The following ADAMTS17 variants were observed in gnomAD, a reference collection of about 807,000 sequenced individuals.
ADAMTS17 encodes ADAM metallopeptidase with thrombospondin type 1 motif 17.
ADAMTS17 carries 113 observed loss-of-function variants against 141.5 expected under a neutral mutation model. The ratio of observed to expected loss-of-function variants is 0.80; its 90% CI spans 0.69 to 0.93. ADAMTS17 has a LOEUF of 0.93. Among genes scored for constraint, ADAMTS17 ranks in the 40% least tolerant of loss-of-function variants. The pLI, the probability that ADAMTS17 is intolerant of heterozygous loss-of-function variation, is 0.00. For missense variants in ADAMTS17, 1,659 were observed against 1,517.9 expected, an observed-to-expected ratio of 1.09 and a Z score of -1.54; for synonymous variants, 768 against 630.6, an observed-to-expected ratio of 1.22 and a Z score of -3.27.
At chr15:100,259,845 G>T (rs888788941) in intron 6 of ADAMTS17, among the ~76,000 whole-genome samples, 1 of 151,990 alleles carries the variant, frequency 6.6e-6, no homozygotes, top group African/African-American at 2.4e-5. Context: ...TAGGATTTTG[G>T]TTTTTGTTTT....
intron 15 of ADAMTS17, among the ~76,000 whole-genome samples, chr15:100,073,406 T>C (rs2034126936): frequency 6.6e-6 from 1 of 152,142 alleles, no homozygotes; most frequent in African/African-American, 2.4e-5. Flanking sequence ...AGCCATCCCA[T>C]TACTGGGTGT....
intron 15 of ADAMTS17, among the ~76,000 whole-genome samples, chr15:100,073,705 T>C (rs1030159567): frequency 2.4e-4 from 32 of 132,116 alleles, no homozygotes; most frequent in East Asian, 6.7e-4. Flanking sequence ...TAGGTGGGAA[T>C]TGAACAATGA....
At chr15:100,265,142 C>G (rs556944699) in intron 4 of ADAMTS17, among the ~76,000 whole-genome samples, 3 of 152,296 alleles carry the variant, frequency 2.0e-5, no homozygotes, top group African/African-American at 7.2e-5. Flanking sequence ...CACTTTGTCA[C>G]CTGCCAGGTG....
intron 3 of ADAMTS17, among the ~76,000 whole-genome samples, chr15:100,292,285 CGA>C (rs1031634077): frequency 6.1e-5 from 9 of 146,988 alleles, no homozygotes; most frequent in African/African-American, 1.3e-4. Flanking sequence ...TGAGAATCTA[CGA>C]GAGACACTCA....
intron 15 of ADAMTS17, among the ~76,000 whole-genome samples, chr15:100,070,519 C>G (rs1448071823): frequency 1.3e-5 from 2 of 149,988 alleles, no homozygotes; most frequent in Admixed American, 1.3e-4. Flanking sequence ...AAATGTAAAA[C>G]AATAGAAATT....
chr15:100,130,437 G>A (rs1003084576), intron 12 of ADAMTS17, among the ~76,000 whole-genome samples: 10 of 151,990 alleles, frequency 6.6e-5, no homozygotes, highest in Non-Finnish European at 1.2e-4. Flanking sequence ...GTGCTAGAGG[G>A]AAATGTTTTA....
At chr15:100,217,973 C>T (rs949737268) in intron 7 of ADAMTS17, among the ~76,000 whole-genome samples, 14 of 152,216 alleles carry the variant, frequency 9.2e-5, no homozygotes, top group Admixed American at 2.0e-4. Context: ...CTTGACCTCC[C>T]GGGCTCAGGG....
At chr15:100,079,007 A>C (rs2034560891) in intron 15 of ADAMTS17, among the ~76,000 whole-genome samples, 2 of 152,256 alleles carry the variant, frequency 1.3e-5, no homozygotes, top group South Asian at 4.1e-4. Flanking sequence ...AACCAAAACC[A>C]CAAGGACATA....
At chr15:100,248,463 C>T (rs567511374) in intron 7 of ADAMTS17, among the ~76,000 whole-genome samples, 161 of 152,294 alleles carry the variant, frequency 1.1e-3, no homozygotes, top group Middle Eastern at 0.01. Context: ...AGGGCAGGCA[C>T]GACCTCACCT....
intron 14 of ADAMTS17, among the ~76,000 whole-genome samples, chr15:100,103,574 CTTT>C (rs11411616): frequency 6.7e-6 from 1 of 150,148 alleles, no homozygotes; most frequent in Non-Finnish European, 1.5e-5. Flanking sequence ...TCCAGCCACT[CTTT>C]TTTTTTCTTT....
chr15:100,282,135 T>C (rs2044306200), intron 3 of ADAMTS17, among the ~76,000 whole-genome samples: 1 of 152,204 alleles, frequency 6.6e-6, no homozygotes, highest in Non-Finnish European at 1.5e-5. Context: ...GCCATAGTCT[T>C]TGTACATGGA....
At chr15:100,242,538 C>T (rs1222939019) in intron 7 of ADAMTS17, among the ~76,000 whole-genome samples, 1 of 152,038 alleles carries the variant, frequency 6.6e-6, no homozygotes, top group East Asian at 1.9e-4. Flanking sequence ...TCTTAACATG[C>T]CCCCTCCTCT....
chr15:100,222,161 A>G (rs1383115523), intron 7 of ADAMTS17, among the ~76,000 whole-genome samples: 1 of 152,174 alleles, frequency 6.6e-6, no homozygotes, highest in African/African-American at 2.4e-5. Flanking sequence ...GCTACGGAAG[A>G]CTCATCCACA....
At chr15:100,292,444 C>A (rs1177243351) in intron 3 of ADAMTS17, among the ~76,000 whole-genome samples, 1 of 150,032 alleles carries the variant, frequency 6.7e-6, no homozygotes, top group Non-Finnish European at 1.5e-5. Flanking sequence ...GTTAGAGACA[C>A]TCACCCCGTG....
chr15:100,053,359 A>G (rs936550388), intron 16 of ADAMTS17, among the ~76,000 whole-genome samples: 1 of 152,218 alleles, frequency 6.6e-6, no homozygotes, highest in Middle Eastern at 3.4e-3. Flanking sequence ...AGGTTTCTGG[A>G]GGTCACCTGG....
rs531170963 is a variant in ADAMTS17, at chr15:100,019,818, T to C, written c.2592-22229A>G. 2.0e-5 allele frequency among the ~76,000 whole-genome samples: 3 copies of C among 152,338 alleles called. No homozygotes were observed. The East Asian group carries it at 5.8e-4, about 29-fold the overall frequency. On this transcript the variant is annotated intron_variant, in intron 18 of 21. Coordinates refer to ENST00000268070, the MANE Select transcript of ADAMTS17 (RefSeq NM_139057.4). Reference sequence around the variant, plus strand: ...CCTGAAGCAGCAGCTGCCGTGGTTCTGAGCCTAAGCTCCAACAGCCAGATG... The same window carrying C: ...CCTGAAGCAGCAGCTGCCGTGGTTCCGAGCCTAAGCTCCAACAGCCAGATG...
At chr15:100,199,752 T>A (rs1347760298) in intron 7 of ADAMTS17, among the ~76,000 whole-genome samples, 2 of 152,194 alleles carry the variant, frequency 1.3e-5, no homozygotes, top group African/African-American at 2.4e-5. Flanking sequence ...CAAGGTCACC[T>A]GGATGGGCAC....
At chr15:100,088,239 A>G (rs2035233014) in intron 15 of ADAMTS17, among the ~76,000 whole-genome samples, 1 of 152,234 alleles carries the variant, frequency 6.6e-6, no homozygotes, top group South Asian at 2.1e-4. Flanking sequence ...CCCATTCACA[A>G]TTGCTTCAAA....
intron 10 of ADAMTS17, among the ~76,000 whole-genome samples, chr15:100,139,015 A>T (rs1490993904): frequency 6.6e-6 from 1 of 152,198 alleles, no homozygotes; most frequent in Non-Finnish European, 1.5e-5. Context: ...TGGGCGATGG[A>T]CCTGTTTTGC....
Sources: gnomAD v4.1 joint callset for allele counts (sites outside exome capture counted in the v4.1 genomes callset) on GRCh38, gnomAD v4.1.1 for gene constraint, MANE v1.5 for transcripts, NCBI Gene and HGNC (gene_info 2026-07-23, HGNC 2026-07-21) for gene names.